Variants in ADH7 observed in about 807,000 individuals in gnomAD.
ADH7 encodes alcohol dehydrogenase 7 (class IV), mu or sigma polypeptide, also known as all-trans-retinol dehydrogenase [NAD(+)] ADH7.
In ADH7, 41 loss-of-function variants were observed where a neutral mutation model predicts 34.4. That is an observed-to-expected ratio of 1.19 (90% CI 0.93 to 1.55). ADH7 has a LOEUF of 1.55. Ranked by LOEUF, ADH7 falls within the 40% of genes most tolerant of loss-of-function variation. The probability of loss-of-function intolerance (pLI) is 0.00; values close to 1 mark genes in which losing one functional copy is unlikely to be tolerated. For missense variants in ADH7, 540 were observed against 461.2 expected (o/e 1.17, Z -1.56); for synonymous variants, 180 against 160.9 (o/e 1.12, Z -0.90).
At chr4:99,414,145 C>T (rs923919147) in intron 8 of ADH7, among the ~76,000 whole-genome samples, 1 of 152,062 alleles carries the variant, frequency 6.6e-6, no homozygotes, top group Admixed American at 6.6e-5. Flanking sequence ...CCAAGCAGGC[C>T]ATACTAAGCT....
intron 5 of ADH7, among the ~76,000 whole-genome samples, chr4:99,427,016 C>T (rs1721823377): frequency 6.6e-6 from 1 of 152,166 alleles, no homozygotes; most frequent in African/African-American, 2.4e-5. Context: ...AACAATGCTT[C>T]ATGCTAAAAA....
chr4:99,416,059 C>T (rs184535461), intron 7 of ADH7, among the ~76,000 whole-genome samples: 4 of 152,088 alleles, frequency 2.6e-5, no homozygotes, highest in Non-Finnish European at 5.9e-5. Flanking sequence ...TTGATGGGTG[C>T]AGCAAACCAC....
chr4:99,434,156 G>A (rs1306011341), intron 1 of ADH7, among the ~76,000 whole-genome samples: 2 of 152,082 alleles, frequency 1.3e-5, no homozygotes, highest in African/African-American at 2.4e-5. Context: ...GATGAATATC[G>A]ACTTCCTAGA....
intron 5 of ADH7, among the ~76,000 whole-genome samples, chr4:99,424,973 T>C (rs1721765658): frequency 6.6e-6 from 1 of 152,054 alleles, no homozygotes; most frequent in Non-Finnish European, 1.5e-5. Context: ...AGGGAATGCT[T>C]CCAGTTTTTG....
chr4:99,435,187 T>C (rs1250868169), intron 1 of ADH7, 29 bp downstream of exon 1: 3 of 1,610,460 alleles, frequency 1.9e-6, no homozygotes, highest in Non-Finnish European at 2.5e-6. Flanking sequence ...TAGGTCATGA[T>C]GAGGAGGGGA....
chr4:99,428,571 G>C lies in ADH7; in HGVS notation c.180C>G (p.Ser60=). 2.5e-6 allele frequency: 4 copies of C among 1,613,862 alleles called. No individual in the cohort carries two copies. The highest frequency in any genetic ancestry group is 3.4e-6 in the Non-Finnish European group (4 of 1,179,862). The change falls in exon 3 of 9, where the codon TCC becomes TCG. Residue 60 remains serine, a synonymous_variant. Coordinates refer to ENST00000437033, the MANE Select transcript of ADH7 (RefSeq NM_000673.7). ...CATGTCCCACAATCACTGGAAACTT[G>C]GACACCATTGTTCCTTTTATCACAT... ...DDHVIKGTMV[S]KFPVIVGHEA...
intron 7 of ADH7, 136 bp downstream of exon 7, chr4:99,418,847 GTTA>G (rs1721581411): frequency 9.9e-7 from 1 of 1,013,232 alleles, no homozygotes; most frequent in African/African-American, 1.6e-5. Context: ...TATCTTTTGT[GTTA>G]TTATGATCAC....
At chr4:99,431,515 T>C (rs966352687) in intron 1 of ADH7, among the ~76,000 whole-genome samples, 1 of 152,102 alleles carries the variant, frequency 6.6e-6, no homozygotes, top group African/African-American at 2.4e-5. Flanking sequence ...AGAGAAACTA[T>C]CAACAGAGTA....
At chr4:99,428,441 G>T in intron 3 of ADH7, 51 bp downstream of exon 3, 1 of 1,580,702 alleles carries the variant, frequency 6.3e-7, no homozygotes. Context: ...CCTTTGATAG[G>T]CTAATCAAAG....
chr4:99,412,435 T>C lies in ADH7; in HGVS notation c.*713A>G, dbSNP rs932646728. On this transcript the variant is annotated 3_prime_UTR_variant, in exon 9 of 9. Coordinates refer to ENST00000437033, the MANE Select transcript of ADH7 (RefSeq NM_000673.7). ...TTCTACTGTATCAAATTGAACATTA[T>C]GATAAGTATGATAATATGATTCTAG... 1 of 152,140 alleles carries C rather than the reference T, an allele frequency of 6.6e-6. No homozygotes were observed. Among genetic ancestry groups the C allele is most frequent in the Admixed American group, 6.5e-5 (1 of 15,272 alleles). The allele number at this position is 152,140 out of a possible 1,614,324, so 9.4% of individuals were successfully genotyped here.
At chr4:99,413,243 G>A in intron 8 of ADH7, 71 bp from the exon 9 acceptor site, 1 of 1,520,484 alleles carries the variant, frequency 6.6e-7, no homozygotes, top group African/African-American at 1.4e-5. Context: ...TTAAACAATT[G>A]TCCTTTCTAT....
chr4:99,427,680 GTT>G, intron 5 of ADH7, 91 bp downstream of exon 5: 44 of 803,914 alleles, frequency 5.5e-5, no homozygotes, highest in South Asian at 1.9e-4. Context: ...TCTTTTAAAT[GTT>G]TTTTTTTTTT....
At chr4:99,431,868 G>A (rs967004208) in intron 1 of ADH7, among the ~76,000 whole-genome samples, 2 of 152,182 alleles carry the variant, frequency 1.3e-5, no homozygotes, top group Non-Finnish European at 2.9e-5. Flanking sequence ...ACTGATGGTG[G>A]GAAGGTTAAT....
At chr4:99,421,772 C>T (rs902656234) in intron 5 of ADH7, among the ~76,000 whole-genome samples, 5 of 152,026 alleles carry the variant, frequency 3.3e-5, no homozygotes, top group Non-Finnish European at 7.4e-5. Flanking sequence ...GTCTAATATG[C>T]AGAATTTACA....
intron 6 of ADH7, 136 bp downstream of exon 6, chr4:99,420,397 T>C: frequency 9.4e-7 from 1 of 1,058,324 alleles, no homozygotes. Context: ...TGATTATCAG[T>C]TTTTGCCTGA....
At chr4:99,425,475 A>T (rs1431526500) in intron 5 of ADH7, among the ~76,000 whole-genome samples, 2 of 152,220 alleles carry the variant, frequency 1.3e-5, no homozygotes, top group Admixed American at 6.5e-5. Context: ...GCCATTACAT[A>T]GTGGTAAAGG....
intron 5 of ADH7, 139 bp from the exon 6 acceptor site, chr4:99,420,932 T>C: frequency 1.3e-6 from 1 of 759,366 alleles, no homozygotes; most frequent in South Asian, 1.8e-5. Flanking sequence ...TATCTAGGAA[T>C]ACAACTTACA....
In ADH7 at chr4:99,428,548, T is replaced by C. The variant is rs1721866558; in HGVS notation, c.203A>G (p.His68Arg). Reference sequence around the variant, plus strand: ...GCTCTCTACAATCCCAGTTGCCTCATGTCCCACAATCACTGGAAACTTGGA... The same window carrying C: ...GCTCTCTACAATCCCAGTTGCCTCACGTCCCACAATCACTGGAAACTTGGA... ...MVSKFPVIVG[H>R]EATGIVESIG... The change falls in exon 3 of 9, where the codon CAT (histidine) becomes CGT (arginine). Residue 68 changes from histidine (H) to arginine (R), a missense_variant. Transcript: ENST00000437033. 12 of 1,613,866 alleles carry C rather than the reference T, an allele frequency of 7.4e-6. No homozygotes were observed. The highest frequency in any genetic ancestry group is 1.0e-5 in the Non-Finnish European group (12 of 1,179,912).
chr4:99,427,700 T>A, intron 5 of ADH7, 73 bp downstream of exon 5: 2 of 1,110,532 alleles, frequency 1.8e-6, no homozygotes, highest in Non-Finnish European at 2.4e-6. Context: ...TTTCCAAAAC[T>A]CTTCAAGATT....
Sources: gnomAD v4.1 joint callset for allele counts (sites outside exome capture counted in the v4.1 genomes callset) on GRCh38, gnomAD v4.1.1 for gene constraint, MANE v1.5 for transcripts, NCBI Gene and HGNC (gene_info 2026-07-23, HGNC 2026-07-21) for gene names.